ELN: variants seen among roughly 807,000 people sequenced by gnomAD.
The protein encoded by ELN is elastin, also known as tropoelastin.
A neutral mutation model predicts 105.8 loss-of-function variants in ELN; 65 were observed. The ratio of observed to expected loss-of-function variants is 0.61; its 90% CI spans 0.50 to 0.75. The LOEUF (loss-of-function observed/expected upper bound fraction) is 0.75. ELN is among the 30% of genes least tolerant of loss of function. The pLI, the probability that ELN is intolerant of heterozygous loss-of-function variation, is 0.00. For synonymous variants in ELN, 368 were observed against 389.2 expected, an observed-to-expected ratio of 0.95 and a Z score of 0.64; for missense variants, 882 against 969.4, an observed-to-expected ratio of 0.91 and a Z score of 1.20.
chr7:74,057,035 C>T (rs561885525), intron 21 of ELN, among the ~76,000 whole-genome samples: 174 of 152,064 alleles, frequency 1.1e-3, no homozygotes, highest in African/African-American at 3.7e-3. Context: ...GCCAGGAGTT[C>T]GAGACCAGCC....
chr7:74,047,056 C>G (rs1337214397), intron 12 of ELN, among the ~76,000 whole-genome samples: 2 of 152,064 alleles, frequency 1.3e-5, no homozygotes, highest in Non-Finnish European at 2.9e-5. Context: ...TGCACTCCAG[C>G]CTGGGTAACA....
At chr7:74,042,158 G>A (rs1203061409) in intron 5 of ELN, among the ~76,000 whole-genome samples, 2 of 151,410 alleles carry the variant, frequency 1.3e-5, no homozygotes, top group African/African-American at 2.4e-5. Flanking sequence ...GGTGGCTCAC[G>A]CCTGTAATCC....
chr7:74,045,739 C>G (rs1458703548), intron 10 of ELN: 1 of 299,700 alleles, frequency 3.3e-6, no homozygotes, highest in Admixed American at 4.7e-5. Context: ...ACCCCGTTCC[C>G]CCGCAAAATA....
chr7:74,039,856 T>C (rs191551431), intron 4 of ELN, among the ~76,000 whole-genome samples: 1 of 152,346 alleles, frequency 6.6e-6, no homozygotes, highest in Admixed American at 6.5e-5. Context: ...CAAATTGACC[T>C]GCTTGTGCTC....
At chr7:74,037,942 G>A (rs1790368722) in intron 4 of ELN, 3 of 660,224 alleles carry the variant, frequency 4.5e-6, no homozygotes, top group East Asian at 5.7e-5. Flanking sequence ...GGAACAAGAG[G>A]CTGGAAGCAG....
intron 24 of ELN, 55 bp from the exon 25 acceptor site, chr7:74,060,321 C>T: frequency 6.2e-7 from 1 of 1,614,126 alleles, no homozygotes; most frequent in Non-Finnish European, 8.5e-7. Context: ...GGCAGGACAC[C>T]TCCTTAGGGG....
intron 1 of ELN, among the ~76,000 whole-genome samples, chr7:74,034,500 G>A (rs1466997159): frequency 1.3e-5 from 2 of 151,002 alleles, no homozygotes; most frequent in African/African-American, 2.5e-5. Flanking sequence ...TCGCTTCCAG[G>A]AGTTCCAGAC....
intron 1 of ELN, among the ~76,000 whole-genome samples, chr7:74,029,114 A>G (rs1338801414): frequency 6.6e-6 from 1 of 152,122 alleles, no homozygotes; most frequent in African/African-American, 2.4e-5. Flanking sequence ...AGACATGTAG[A>G]CATGTACACA....
At chr7:74,048,632 G>C in intron 15 of ELN, 76 bp downstream of exon 15, 1 of 1,583,972 alleles carries the variant, frequency 6.3e-7, no homozygotes, top group Non-Finnish European at 8.6e-7. Flanking sequence ...TTGACAGCCT[G>C]CCTCCAAAGT....
At chr7:74,054,250 C>G (rs1411685824) in intron 18 of ELN, among the ~76,000 whole-genome samples, 1 of 151,942 alleles carries the variant, frequency 6.6e-6, no homozygotes, top group Non-Finnish European at 1.5e-5. Context: ...GGCGGATCAC[C>G]TGAGGTGAGG....
At chr7:74,033,528 C>A (rs1319063193) in intron 1 of ELN, among the ~76,000 whole-genome samples, 1 of 152,210 alleles carries the variant, frequency 6.6e-6, no homozygotes, top group Non-Finnish European at 1.5e-5. Flanking sequence ...CCACTCCGAG[C>A]CTTGAGGTTC....
At chr7:74,039,329 G>A (rs1359238631) in intron 4 of ELN, among the ~76,000 whole-genome samples, 1 of 152,178 alleles carries the variant, frequency 6.6e-6, no homozygotes, top group Non-Finnish European at 1.5e-5. Context: ...GATAAAAAGG[G>A]CAGTGTTTCC....
At chr7:74,053,122 G>T in intron 17 of ELN, 41 bp from the exon 18 acceptor site, 1 of 1,613,928 alleles carries the variant, frequency 6.2e-7, no homozygotes, top group Non-Finnish European at 8.5e-7. Context: ...GCCCCTCTGA[G>T]GTTCCCATAG....
At position 74,068,808 on chromosome 7, in the gene ELN, C is replaced by T. The variant is rs1798547246; in HGVS notation, c.*108C>T. The T allele has an allele frequency of 2.1e-6, 3 of 1,408,246 alleles. No individual in the cohort carries two copies. Among genetic ancestry groups the T allele is most frequent in the Non-Finnish European group, 3.0e-6 (3 of 996,274 alleles). The allele number at this position is 1,408,246 out of a possible 1,614,324, so 87.2% of individuals were successfully genotyped here. A position where few individuals can be genotyped will look rare whatever the true frequency, so the allele number is the denominator to read the frequency against. ...CCCATGCCCCTCCGACTCCCCACCC[C>T]AGGAGGGAACGGGCAGGCCGGGCGG... On this transcript the variant is annotated 3_prime_UTR_variant, in exon 33 of 33. Coordinates refer to ENST00000252034, the MANE Select transcript of ELN (RefSeq NM_000501.4).
chr7:74,028,764 G>T (rs999369969), intron 1 of ELN, among the ~76,000 whole-genome samples: 1 of 152,210 alleles, frequency 6.6e-6, no homozygotes, highest in Non-Finnish European at 1.5e-5. Context: ...GGATCCCCCC[G>T]TCAGGAAGGT....
intron 26 of ELN, among the ~76,000 whole-genome samples, chr7:74,061,709 T>C (rs929684425): frequency 6.6e-6 from 1 of 152,002 alleles, no homozygotes; most frequent in Non-Finnish European, 1.5e-5. Context: ...TTTATGACAG[T>C]TTAAAAACCT....
At position 74,056,383 on chromosome 7, in the gene ELN, T is replaced by C. The variant is rs781993140; in HGVS notation, c.1263T>C (p.Pro421=). ...VGGIPGVAGV[P]GVGGVPGVGG... Reference sequence around the variant, plus strand: ...GTATCCCTGGAGTCGCAGGTGTCCCTGGTGTCGGAGGTGTTCCCGGAGTCG... The same window carrying C: ...GTATCCCTGGAGTCGCAGGTGTCCCCGGTGTCGGAGGTGTTCCCGGAGTCG... Residue 421 remains proline, a synonymous_variant, in exon 20 of 33, where the codon CCT becomes CCC. Coordinates refer to ENST00000252034, the MANE Select transcript of ELN (RefSeq NM_000501.4). The C allele has an allele frequency of 1.4e-5, 23 of 1,613,498 alleles. No homozygotes were observed. The African/African-American group carries it at 2.8e-4, about 20-fold the overall frequency.
rs782201561 is a variant in ELN at position 74,065,751 on chromosome 7, C to T, written c.2032+19C>T. 1.3e-5 allele frequency: 21 copies of T among 1,614,100 alleles called. No homozygotes were observed. The South Asian group carries it at 2.0e-4, about 15-fold the overall frequency. On this transcript the variant is annotated intron_variant, in intron 30 of 32. Transcript: ENST00000252034. ...AAATACGGTGAGTTCCCCTCTGATGCCTTCCTGCCAGTGGCCTGCACCCCC... is the reference window on the plus strand; with the variant it reads ...AAATACGGTGAGTTCCCCTCTGATGTCTTCCTGCCAGTGGCCTGCACCCCC...
At chr7:74,043,748 T>TCCCTGGCTGC in intron 8 of ELN, 131 bp from the exon 9 acceptor site, 1 of 1,206,946 alleles carries the variant, frequency 8.3e-7, no homozygotes, top group Non-Finnish European at 1.2e-6. Flanking sequence ...CCCACGTCTG[T>TCCCTGGCTGC]CCCTGGCTGC....
Sources: allele counts gnomAD v4.1 joint callset (sites outside exome capture counted in the v4.1 genomes callset), GRCh38; gene constraint gnomAD v4.1.1; transcripts MANE v1.5; gene names NCBI Gene and HGNC (gene_info 2026-07-23, HGNC 2026-07-21).